The following B4GALT4 variants were observed in gnomAD, a reference collection of about 807,000 sequenced individuals.
B4GALT4 encodes N-acetyllactosamine synthase.
Under a neutral mutation model 37.3 loss-of-function variants are expected in B4GALT4, and 27 were observed. The observed-to-expected ratio is 0.72, with a 90% CI of 0.53 to 1.00. The LOEUF (loss-of-function observed/expected upper bound fraction) is 1.00, where lower values mean the gene tolerates loss of function less well. B4GALT4 is among the 50% of genes least tolerant of loss of function. The pLI, the probability that B4GALT4 is intolerant of heterozygous loss-of-function variation, is 0.00. For synonymous variants in B4GALT4, 148 were observed against 154.1 expected (o/e 0.96, Z 0.29); for missense variants, 372 against 413.1 (o/e 0.90, Z 0.86).
chr3:119,218,161 C>T (rs1341109968), intron 6 of B4GALT4, among the ~76,000 whole-genome samples: 1 of 152,134 alleles, frequency 6.6e-6, no homozygotes, highest in East Asian at 1.9e-4. Context: ...CCTGCAGTCT[C>T]CACAGCGTGC....
rs2078757565 is a variant in B4GALT4, at chr3:119,230,004, G to A, written c.96C>T (p.Asn32=). 6.2e-7 allele frequency: 1 copy of A among 1,614,164 alleles called. No individual in the cohort carries two copies. Among genetic ancestry groups the A allele is most frequent in the Non-Finnish European group, 8.5e-7 (1 of 1,180,042 alleles). The change falls in exon 3 of 8, where the codon AAC becomes AAT. Residue 32 remains asparagine (N), a synonymous_variant. Transcript: ENST00000393765. ...TCTCTTGAATGGCACCCACGAAGTA[G>A]TTACTGGTGGCCCACCCAACCACTG... ...CLTVVGWATS[N]YFVGAIQEIP...
intron 4 of B4GALT4, among the ~76,000 whole-genome samples, chr3:119,224,920 T>G (rs2078561853): frequency 2.0e-5 from 3 of 152,234 alleles, no homozygotes; most frequent in African/African-American, 7.2e-5. Context: ...ATACTAGTCA[T>G]GTCAATTAGT....
chr3:119,237,648 C>A (rs1395129302), intron 1 of B4GALT4, among the ~76,000 whole-genome samples: 1 of 152,180 alleles, frequency 6.6e-6, no homozygotes, highest in Non-Finnish European at 1.5e-5. Context: ...ATCAATCTTT[C>A]AGATATGTTA....
chr3:119,212,821 TG>T lies in B4GALT4; in HGVS notation c.903-141del, dbSNP rs2107450004. ...GTTTCCTACCATTACAAAGTTTGTT[TG>T]CCCCATTGAAGGTGACAGACATGAT... On this transcript the variant is annotated intron_variant, in intron 7 of 7. Transcript: ENST00000393765. The T allele has an allele frequency of 6.9e-6, 6 of 868,906 alleles. No homozygotes were observed. The East Asian group carries it at 8.6e-5, about 12-fold the overall frequency. The allele number at this position is 868,906 out of a possible 1,614,324, so 53.8% of individuals were successfully genotyped here.
rs534540749 is a variant in B4GALT4 at position 119,216,411 on chromosome 3, A to G, written c.798-67T>C. The G allele has an allele frequency of 2.8e-5, 35 of 1,244,798 alleles. No individual in the cohort carries two copies. In the African/African-American group the frequency reaches 4.9e-4, roughly 18 times the overall value. 77.1% of individuals were successfully genotyped at this position (1,244,798 alleles called of 1,614,324 possible). A position where few individuals can be genotyped will look rare whatever the true frequency, so the allele number is the denominator to read the frequency against. ...ATCTACCACTAGGCAAATAAAAAGC[A>G]TCATTTGCGAAAATTTATACACACA... On this transcript the variant is annotated intron_variant, in intron 6 of 7. Transcript: ENST00000393765.
At chr3:119,215,972 C>T (rs765791378) in intron 7 of B4GALT4, 69 of 239,154 alleles carry the variant, frequency 2.9e-4, no homozygotes, top group Non-Finnish European at 2.6e-4. Context: ...AGCAGTTACA[C>T]ATGAAATGCT....
intron 3 of B4GALT4, among the ~76,000 whole-genome samples, chr3:119,228,620 C>T (rs1411244656): frequency 2.6e-5 from 4 of 152,192 alleles, no homozygotes; most frequent in Non-Finnish European, 1.5e-5. Context: ...TTTGACTCTT[C>T]CATGACTAAA....
intron 1 of B4GALT4, among the ~76,000 whole-genome samples, chr3:119,238,790 T>C (rs1279181630): frequency 6.6e-6 from 1 of 152,212 alleles, no homozygotes; most frequent in Non-Finnish European, 1.5e-5. Flanking sequence ...CGACTGTACA[T>C]TAAAATTTAA....
At chr3:119,232,450 C>T (rs1056367673) in intron 2 of B4GALT4, 7 of 152,224 alleles carry the variant, frequency 4.6e-5, no homozygotes, top group African/African-American at 1.7e-4. Flanking sequence ...TAAGTGGTAG[C>T]GTGGGGTCTC....
intron 2 of B4GALT4, chr3:119,233,131 G>A (rs543070565): frequency 6.6e-6 from 1 of 152,292 alleles, no homozygotes; most frequent in East Asian, 1.9e-4. Flanking sequence ...TTTTCTAAGA[G>A]CTATTTTTAG....
intron 7 of B4GALT4, chr3:119,214,162 G>A (rs1289726137): frequency 2.6e-5 from 4 of 152,218 alleles, no homozygotes; most frequent in African/African-American, 9.7e-5. Context: ...GAGAGATCGA[G>A]GCTGTAGTGA....
chr3:119,230,543 A>C (rs920025710), intron 2 of B4GALT4, among the ~76,000 whole-genome samples: 2 of 152,244 alleles, frequency 1.3e-5, no homozygotes, highest in Non-Finnish European at 2.9e-5. Context: ...CAAAGACCTG[A>C]GCTGGACACA....
Position 119,226,841 on chromosome 3 carries a change from G to C in B4GALT4, c.454C>G (p.Gln152Glu). The C allele has an allele frequency of 6.2e-7, 1 of 1,614,046 alleles. No individual in the cohort carries two copies. Among genetic ancestry groups the C allele is most frequent in the South Asian group, 1.1e-5 (1 of 91,066 alleles). Residue 152 changes from glutamine to glutamate, a missense_variant, in exon 4 of 8, where the codon CAG (glutamine) becomes GAG (glutamate). Transcript: ENST00000393765. Reference sequence around the variant, plus strand: ...ATGACGTAGATGCCATAATCCAGCTGCTGCCTCTGCAGGAAGGGATGCAGA... The same window carrying C: ...ATGACGTAGATGCCATAATCCAGCTCCTGCCTCTGCAGGAAGGGATGCAGA... The part of the protein sequence containing the change: ...EHLHPFLQRQ[Q>E]LDYGIYVIHQ...
chr3:119,224,734 A>T (rs930121192), intron 4 of B4GALT4, among the ~76,000 whole-genome samples: 2 of 152,246 alleles, frequency 1.3e-5, no homozygotes, highest in Non-Finnish European at 2.9e-5. Context: ...AAAATTTTTT[A>T]AAAGCAGCTT....
chr3:119,236,844 G>C lies in B4GALT4; in HGVS notation c.-146+9C>G, dbSNP rs2079000194. On this transcript the variant is annotated intron_variant, in intron 2 of 7. Transcript: ENST00000393765. ...AATATCAACACTTTTCTAAGGGTAG[G>C]GTCCTCACCTTTAACAAATGGCACT... 6.6e-6 allele frequency: 1 copy of C among 152,186 alleles called. No homozygotes were observed. Among genetic ancestry groups the C allele is most frequent in the African/African-American group, 2.4e-5 (1 of 41,448 alleles). 9.4% of individuals were successfully genotyped at this position (152,186 alleles called of 1,614,324 possible).
rs1356056977 is a variant in B4GALT4, at chr3:119,230,134, C to T, written c.-35G>A. On this transcript the variant is annotated 5_prime_UTR_variant, in exon 3 of 8. Transcript: ENST00000393765. ...TACGTGAATAATATCTATCTCTCTG[C>T]TTCACTGCAGGCAAGAAAGCTTCAA... is the stretch of plus-strand genomic sequence containing the variant. 1 of 1,608,054 alleles carries T rather than the reference C, an allele frequency of 6.2e-7. No homozygotes were observed. The highest frequency in any genetic ancestry group is 1.7e-5 in the Admixed American group (1 of 59,552).
intron 1 of B4GALT4, 199 bp downstream of exon 1, chr3:119,240,651 G>C (rs1033084877): frequency 6.6e-6 from 1 of 151,932 alleles, no homozygotes; most frequent in Non-Finnish European, 1.5e-5. Context: ...CCTCCCGCCA[G>C]GCTCGGCCTC....
intron 6 of B4GALT4, among the ~76,000 whole-genome samples, chr3:119,216,761 ATT>A: frequency 6.6e-6 from 1 of 152,230 alleles, no homozygotes; most frequent in Non-Finnish European, 1.5e-5. Flanking sequence ...AGGAATGGCC[ATT>A]TATGGTCACA....
chr3:119,225,852 A>G (rs2078600115), intron 4 of B4GALT4, among the ~76,000 whole-genome samples: 1 of 152,250 alleles, frequency 6.6e-6, no homozygotes, highest in African/African-American at 2.4e-5. Context: ...AAACAATATA[A>G]TAGTAACATT....
Sources: allele counts gnomAD v4.1 joint callset (sites outside exome capture counted in the v4.1 genomes callset), GRCh38; gene constraint gnomAD v4.1.1; transcripts MANE v1.5; gene names NCBI Gene and HGNC (gene_info 2026-07-23, HGNC 2026-07-21).